STX18: variants seen among roughly 807,000 people sequenced by gnomAD.
STX18 encodes the protein syntaxin 18, also known as syntaxin-18.
STX18 carries 40 observed loss-of-function variants against 50.1 expected under a neutral mutation model. That is an observed-to-expected ratio of 0.80 (90% confidence interval 0.62 to 1.04). The LOEUF (loss-of-function observed/expected upper bound fraction) is 1.04, where lower values mean the gene tolerates loss of function less well. Among genes scored for constraint, STX18 ranks in the 50% least tolerant of loss-of-function variants. The pLI is 0.00. For synonymous variants in STX18, 158 were observed against 151.8 expected (o/e 1.04, Z -0.30); for missense variants, 410 against 415.8 (o/e 0.99, Z 0.12).
chr4:4,427,873 C>A (rs556550579), intron 7 of STX18, among the ~76,000 whole-genome samples: 15 of 152,326 alleles, frequency 9.8e-5, no homozygotes, highest in Admixed American at 2.0e-4. Context: ...AATACCTAGT[C>A]CCTAGAGGAA....
intron 1 of STX18, among the ~76,000 whole-genome samples, chr4:4,525,832 T>C (rs995854301): frequency 6.6e-6 from 1 of 152,152 alleles, no homozygotes; most frequent in Non-Finnish European, 1.5e-5. Context: ...CATATTTCCA[T>C]AGTAAGAATA....
intron 1 of STX18, among the ~76,000 whole-genome samples, chr4:4,528,539 G>A (rs1474047789): frequency 7.9e-5 from 12 of 152,232 alleles, no homozygotes; most frequent in East Asian, 1.9e-4. Flanking sequence ...CATGCTTCTC[G>A]TACAGTCTGC....
chr4:4,459,935 T>A (rs1727291999), intron 2 of STX18, among the ~76,000 whole-genome samples: 1 of 152,222 alleles, frequency 6.6e-6, no homozygotes, highest in South Asian at 2.1e-4. Context: ...GGTTGTCTCC[T>A]CCTTCTGGAA....
intron 2 of STX18, among the ~76,000 whole-genome samples, chr4:4,467,717 T>C (rs563353042): frequency 1.3e-3 from 164 of 121,508 alleles, no homozygotes; most frequent in Non-Finnish European, 2.3e-3. Context: ...AGAATAAACA[T>C]TCAGGATGGA....
At chr4:4,481,063 G>A (rs936150442) in intron 1 of STX18, among the ~76,000 whole-genome samples, 2 of 152,168 alleles carry the variant, frequency 1.3e-5, no homozygotes, top group Non-Finnish European at 2.9e-5. Flanking sequence ...TTGTTTTTAT[G>A]TGTCACCCAC....
chr4:4,505,871 T>C (rs1176531541), intron 1 of STX18, among the ~76,000 whole-genome samples: 3 of 152,228 alleles, frequency 2.0e-5, no homozygotes, highest in Non-Finnish European at 2.9e-5. Context: ...TGAAAAATCA[T>C]GTCCTGAACC....
intron 2 of STX18, among the ~76,000 whole-genome samples, chr4:4,467,325 C>T (rs918464045): frequency 6.6e-6 from 1 of 152,140 alleles, no homozygotes; most frequent in Non-Finnish European, 1.5e-5. Context: ...AACTTCCTCC[C>T]AAAGTTAGTT....
rs368795075 is a variant in STX18 at position 4,434,861 on chromosome 4, G to A, written c.614-3C>T. 1 of 1,592,280 alleles carries A rather than the reference G, an allele frequency of 6.3e-7. No individual in the cohort carries two copies. Among genetic ancestry groups the A allele is most frequent in the African/African-American group, 1.4e-5 (1 of 73,296 alleles). On this transcript the variant is annotated splice_polypyrimidine_tract_variant and splice_region_variant and intron_variant, in intron 6 of 10. Transcript: ENST00000306200. ...TTGTGTTTCAGCCAAAATTTTTTCT[G>A]TTAAAAAAAAAATTGAAAATAGAAG...
rs573482705 is a variant in STX18, at chr4:4,490,286, G to A, written c.169-18580C>T. The stretch of plus-strand genomic sequence containing the variant: ...CCACTATTTTCAAAAGGGCCCATAT[G>A]TAACAATAGCCAAAGGGGCATCTTC... On this transcript the variant is annotated intron_variant, in intron 1 of 10. Coordinates refer to ENST00000306200, the MANE Select transcript of STX18 (RefSeq NM_016930.4). Among the ~76,000 whole-genome samples the A allele has an allele frequency of 5.3e-5, 8 of 152,270 alleles. No homozygotes were observed. The South Asian group carries it at 1.4e-3, about 28-fold the overall frequency.
chr4:4,461,940 TCTC>T, intron 2 of STX18: 3 of 456,284 alleles, frequency 6.6e-6, no homozygotes, highest in Non-Finnish European at 1.3e-5. Flanking sequence ...TGTTCCTCTC[TCTC>T]CTATGTTGCA....
intron 1 of STX18, among the ~76,000 whole-genome samples, chr4:4,511,544 A>G (rs1474630007): frequency 2.0e-5 from 3 of 152,198 alleles, no homozygotes; most frequent in African/African-American, 7.2e-5. Flanking sequence ...TGTATTGTTT[A>G]GGTACCCAAG....
chr4:4,464,800 T>C (rs1465734411), intron 2 of STX18, among the ~76,000 whole-genome samples: 1 of 150,990 alleles, frequency 6.6e-6, no homozygotes, highest in Non-Finnish European at 1.5e-5. Context: ...TTCTCTCTTT[T>C]CTTCTTTATT....
At chr4:4,474,995 C>G (rs1728104532) in intron 1 of STX18, among the ~76,000 whole-genome samples, 1 of 152,046 alleles carries the variant, frequency 6.6e-6, no homozygotes, top group South Asian at 2.1e-4. Flanking sequence ...TTTTTAGAAG[C>G]CATAAAGTTT....
intron 7 of STX18, among the ~76,000 whole-genome samples, chr4:4,431,249 T>C (rs1560159747): frequency 1.3e-5 from 2 of 152,218 alleles, no homozygotes. Context: ...TATTCTTTCT[T>C]AATGAAGAGA....
chr4:4,508,108 C>G (rs1389992065), intron 1 of STX18, among the ~76,000 whole-genome samples: 7 of 152,220 alleles, frequency 4.6e-5, no homozygotes, highest in Admixed American at 3.9e-4. Flanking sequence ...TAAAATGGAT[C>G]ATGGCTGACA....
intron 9 of STX18, among the ~76,000 whole-genome samples, chr4:4,422,027 G>A (rs1345735970): frequency 6.6e-6 from 1 of 152,110 alleles, no homozygotes; most frequent in East Asian, 1.9e-4. Context: ...AGGGCAGAAT[G>A]AATGCTAGCG....
At chr4:4,470,519 T>C (rs565892689) in intron 2 of STX18, among the ~76,000 whole-genome samples, 11 of 152,296 alleles carry the variant, frequency 7.2e-5, no homozygotes, top group Non-Finnish European at 1.6e-4. Context: ...CCTCATGACA[T>C]GTACAGCCTG....
intron 1 of STX18, among the ~76,000 whole-genome samples, chr4:4,515,660 G>C (rs1031815324): frequency 1.4e-4 from 22 of 152,294 alleles, no homozygotes; most frequent in African/African-American, 5.1e-4. Context: ...TGCTTTAGCA[G>C]TCTACATGTA....
At position 4,452,196 on chromosome 4, in the gene STX18, A is replaced by T. The variant is rs182174628; in HGVS notation, c.497+4995T>A. Among the ~76,000 whole-genome samples, 15 of 152,332 alleles carry T rather than the reference A, an allele frequency of 9.8e-5. No homozygotes were observed. The East Asian group carries it at 2.7e-3, about 27-fold the overall frequency. The stretch of plus-strand genomic sequence containing the variant: ...AGAAAGGTGAGGAAGCTGCAAAAGA[A>T]AAGTTGGAAGGCAGCAGAGGTTGGT... On this transcript the variant is annotated intron_variant, in intron 5 of 10. Transcript: ENST00000306200.
Sources: allele counts gnomAD v4.1 joint callset (sites outside exome capture counted in the v4.1 genomes callset), GRCh38; gene constraint gnomAD v4.1.1; transcripts MANE v1.5; gene names NCBI Gene and HGNC (gene_info 2026-07-23, HGNC 2026-07-21).